The following SIPA1L1 variants were observed in gnomAD, a reference collection of about 807,000 sequenced individuals.
SIPA1L1 encodes signal-induced proliferation-associated 1-like protein 1.
In SIPA1L1, 26 loss-of-function variants were observed where a neutral mutation model predicts 162.7. The ratio of observed to expected loss-of-function variants is 0.16; its 90% CI spans 0.12 to 0.22. The LOEUF (loss-of-function observed/expected upper bound fraction) is 0.22. Among genes scored for constraint, SIPA1L1 ranks in the 10% least tolerant of loss-of-function variants. The probability of loss-of-function intolerance (pLI) is 1.00; values close to 1 mark genes in which losing one functional copy is unlikely to be tolerated. For missense variants in SIPA1L1, 1,874 were observed against 2,241.0 expected (o/e 0.84, Z 3.31); for synonymous variants, 829 against 837.4 (o/e 0.99, Z 0.17).
At chr14:71,479,089 G>T (rs768778221) in intron 2 of SIPA1L1, among the ~76,000 whole-genome samples, 25 of 152,260 alleles carry the variant, frequency 1.6e-4, no homozygotes, top group South Asian at 4.1e-4. Context: ...ATGTCTAGCT[G>T]CCTTGAGTCC....
intron 5 of SIPA1L1, among the ~76,000 whole-genome samples, chr14:71,606,897 A>G (rs2037585253): frequency 6.6e-6 from 1 of 152,234 alleles, no homozygotes; most frequent in African/African-American, 2.4e-5. Context: ...ATAAAAAGTT[A>G]AAACTTTTTA....
intron 8 of SIPA1L1, among the ~76,000 whole-genome samples, chr14:71,657,808 T>C (rs1471684697): frequency 6.6e-6 from 1 of 152,186 alleles, no homozygotes; most frequent in East Asian, 1.9e-4. Context: ...TTTCTTTATT[T>C]TCACTGACCC....
intron 2 of SIPA1L1, among the ~76,000 whole-genome samples, chr14:71,375,174 C>G (rs1207777945): frequency 2.6e-5 from 4 of 152,116 alleles, no homozygotes; most frequent in African/African-American, 9.7e-5. Flanking sequence ...TGCTTGCTTT[C>G]TAGCCTCTGG....
intron 2 of SIPA1L1, among the ~76,000 whole-genome samples, chr14:71,358,107 C>T (rs1178622721): frequency 6.6e-6 from 1 of 152,080 alleles, no homozygotes; most frequent in Non-Finnish European, 1.5e-5. Context: ...AATGATCTAC[C>T]TGCCTGGACC....
At chr14:71,633,799 G>C (rs146083003) in intron 7 of SIPA1L1, among the ~76,000 whole-genome samples, 69 of 152,302 alleles carry the variant, frequency 4.5e-4, no homozygotes, top group African/African-American at 1.6e-3. Context: ...ACAAAGAGTA[G>C]ACTGGGGGAA....
chr14:71,729,224 C>T (rs1292670592), intron 19 of SIPA1L1, among the ~76,000 whole-genome samples: 2 of 151,972 alleles, frequency 1.3e-5, no homozygotes, highest in Admixed American at 6.6e-5. Context: ...TTAGTAGAGA[C>T]GGGGTTTCAC....
At chr14:71,483,554 A>G (rs2048508336) in intron 2 of SIPA1L1, among the ~76,000 whole-genome samples, 2 of 152,136 alleles carry the variant, frequency 1.3e-5, no homozygotes, top group Non-Finnish European at 2.9e-5. Flanking sequence ...GCTTTATTGT[A>G]ATTTTAACAG....
intron 2 of SIPA1L1, among the ~76,000 whole-genome samples, chr14:71,500,797 G>C (rs560055956): frequency 6.7e-6 from 1 of 149,164 alleles, no homozygotes; most frequent in South Asian, 2.1e-4. Context: ...ACCTGAGATC[G>C]GGAGTTTGAC....
chr14:71,646,714 A>C (rs1174537293), intron 7 of SIPA1L1, among the ~76,000 whole-genome samples: 1 of 152,204 alleles, frequency 6.6e-6, no homozygotes, highest in Non-Finnish European at 1.5e-5. Context: ...CTTCATATGA[A>C]CAGCTGATCT....
At chr14:71,707,090 A>C (rs1016196947) in intron 16 of SIPA1L1, among the ~76,000 whole-genome samples, 1 of 151,484 alleles carries the variant, frequency 6.6e-6, no homozygotes, top group Non-Finnish European at 1.5e-5. Flanking sequence ...CCCTTAGCCA[A>C]TGAAGAGCCT....
intron 2 of SIPA1L1, among the ~76,000 whole-genome samples, chr14:71,417,488 A>G (rs1247831213): frequency 7.0e-6 from 1 of 142,820 alleles, no homozygotes; most frequent in African/African-American, 2.5e-5. Context: ...AAAAAAAAAA[A>G]AAAAAAAAAA....
intron 4 of SIPA1L1, among the ~76,000 whole-genome samples, chr14:71,581,842 A>G (rs1039226818): frequency 2.6e-5 from 4 of 152,054 alleles, no homozygotes; most frequent in African/African-American, 9.7e-5. Context: ...ATTTTCCTCT[A>G]ATAATTCTGT....
At chr14:71,391,258 C>T (rs192439811) in intron 2 of SIPA1L1, among the ~76,000 whole-genome samples, 2 of 152,134 alleles carry the variant, frequency 1.3e-5, no homozygotes, top group Non-Finnish European at 2.9e-5. Flanking sequence ...AGGCGCCCGC[C>T]ACACGCCCGG....
chr14:71,396,993 G>T (rs1330221254), intron 2 of SIPA1L1, among the ~76,000 whole-genome samples: 1 of 152,076 alleles, frequency 6.6e-6, no homozygotes, highest in African/African-American at 2.4e-5. Context: ...AAACTAAATG[G>T]ACAAATTTCA....
intron 14 of SIPA1L1, among the ~76,000 whole-genome samples, chr14:71,700,370 A>G (rs1461501569): frequency 6.6e-6 from 1 of 152,222 alleles, no homozygotes; most frequent in Admixed American, 6.5e-5. Context: ...CTTAAAAAAT[A>G]AAAAAGTAAA....
intron 13 of SIPA1L1, 77 bp downstream of exon 13, chr14:71,685,708 T>C (rs1482110963): frequency 3.5e-5 from 53 of 1,522,854 alleles, no homozygotes; most frequent in Non-Finnish European, 4.6e-5. Flanking sequence ...AGCACTAGTT[T>C]TAGGCCTTCT....
intron 2 of SIPA1L1, among the ~76,000 whole-genome samples, chr14:71,470,226 C>T (rs1198982170): frequency 6.6e-6 from 1 of 152,100 alleles, no homozygotes; most frequent in African/African-American, 2.4e-5. Context: ...TTACAGCCAC[C>T]CAGCTACTTT....
At chr14:71,406,898 A>C (rs577983160) in intron 2 of SIPA1L1, among the ~76,000 whole-genome samples, 4 of 152,318 alleles carry the variant, frequency 2.6e-5, no homozygotes, top group African/African-American at 9.6e-5. Context: ...TCTTATCTTT[A>C]TAATGCCAGA....
chr14:71,548,757 C>T (rs972286895), intron 4 of SIPA1L1, among the ~76,000 whole-genome samples: 10 of 151,630 alleles, frequency 6.6e-5, no homozygotes, highest in South Asian at 2.1e-4. Flanking sequence ...ACCAGCTGAG[C>T]GCAGGTGGCA....
Sources: gnomAD v4.1 joint callset for allele counts (sites outside exome capture counted in the v4.1 genomes callset) on GRCh38, gnomAD v4.1.1 for gene constraint, MANE v1.5 for transcripts, NCBI Gene and HGNC (gene_info 2026-07-23, HGNC 2026-07-21) for gene names.